GSG1L: variants seen among roughly 807,000 people sequenced by gnomAD.
The protein encoded by GSG1L is GSG1 like.
A neutral mutation model predicts 42.1 loss-of-function variants in GSG1L; 24 were observed. The observed-to-expected ratio is 0.57, with a 90% CI of 0.41 to 0.80. GSG1L has a LOEUF of 0.80. Ranked by LOEUF, GSG1L falls within the 30% of genes least tolerant of loss-of-function variation. The pLI is 0.00. For synonymous variants in GSG1L, 215 were observed against 203.5 expected, an observed-to-expected ratio of 1.06 and a Z score of -0.48; for missense variants, 445 against 472.2, an observed-to-expected ratio of 0.94 and a Z score of 0.53.
chr16:27,863,092 C>T (rs1384398314), intron 3 of GSG1L, among the ~76,000 whole-genome samples: 2 of 152,086 alleles, frequency 1.3e-5, no homozygotes, highest in Non-Finnish European at 2.9e-5. Context: ...TTATCTGTTT[C>T]TTCCTGAGGT....
chr16:27,825,305 C>G (rs1215647153), intron 5 of GSG1L, among the ~76,000 whole-genome samples: 1 of 152,150 alleles, frequency 6.6e-6, no homozygotes, highest in African/African-American at 2.4e-5. Context: ...GTCTTCTATC[C>G]CAGAGCTCAC....
chr16:28,039,952 G>A (rs143353432), intron 1 of GSG1L, among the ~76,000 whole-genome samples: 110 of 152,018 alleles, frequency 7.2e-4, no homozygotes, highest in East Asian at 6.2e-3. Flanking sequence ...ACCTGTCCCC[G>A]CGCCCCTCCC....
chr16:27,995,516 C>T (rs763705562), intron 1 of GSG1L, among the ~76,000 whole-genome samples: 3 of 152,132 alleles, frequency 2.0e-5, no homozygotes, highest in Non-Finnish European at 4.4e-5. Flanking sequence ...GTGGTCACCA[C>T]GTATTTCTTA....
chr16:27,808,649 C>A (rs1007914908), intron 5 of GSG1L, among the ~76,000 whole-genome samples: 7 of 152,184 alleles, frequency 4.6e-5, no homozygotes, highest in African/African-American at 1.7e-4. Context: ...AAACTCCTGA[C>A]CTCAGGTGAT....
intron 1 of GSG1L, among the ~76,000 whole-genome samples, chr16:27,974,305 T>G (rs1048094292): frequency 6.6e-6 from 1 of 152,180 alleles, no homozygotes; most frequent in Non-Finnish European, 1.5e-5. Flanking sequence ...GGGTCATAGG[T>G]TATTAGCTCA....
chr16:28,042,522 C>T (rs550701575), intron 1 of GSG1L, among the ~76,000 whole-genome samples: 5 of 151,756 alleles, frequency 3.3e-5, no homozygotes, highest in Non-Finnish European at 7.4e-5. Context: ...ACCAGCAGTA[C>T]CATTGGAGAT....
At chr16:27,819,449 C>T (rs2083128571) in intron 5 of GSG1L, among the ~76,000 whole-genome samples, 1 of 152,160 alleles carries the variant, frequency 6.6e-6, no homozygotes, top group African/African-American at 2.4e-5. Context: ...ACCGACAGCA[C>T]GAAACCTCCA....
chr16:27,851,852 T>C (rs866813430), intron 3 of GSG1L, among the ~76,000 whole-genome samples: 2 of 152,220 alleles, frequency 1.3e-5, no homozygotes, highest in Middle Eastern at 3.4e-3. Flanking sequence ...GCTCAATCAC[T>C]GGGGAGAGGG....
At chr16:27,947,599 A>AAGAAAG (rs1401836017) in intron 2 of GSG1L, among the ~76,000 whole-genome samples, 1 of 85,994 alleles carries the variant, frequency 1.2e-5, no homozygotes, top group Admixed American at 1.0e-4. Context: ...GAAAGAAAGA[A>AAGAAAG]AAAGAAAGAA....
intron 3 of GSG1L, among the ~76,000 whole-genome samples, chr16:27,864,423 ACAGT>A (rs2083691502): frequency 6.6e-6 from 1 of 152,232 alleles, no homozygotes; most frequent in East Asian, 1.9e-4. Flanking sequence ...TGACATGGAG[ACAGT>A]CAGAGGCTGG....
At chr16:27,936,888 C>T (rs973069139) in intron 2 of GSG1L, among the ~76,000 whole-genome samples, 17 of 152,168 alleles carry the variant, frequency 1.1e-4, no homozygotes, top group Admixed American at 9.8e-4. Flanking sequence ...TCAAAATAAA[C>T]GTCCAGGGCA....
chr16:28,042,155 G>A (rs1019491263), intron 1 of GSG1L, among the ~76,000 whole-genome samples: 2 of 152,158 alleles, frequency 1.3e-5, no homozygotes, highest in Non-Finnish European at 2.9e-5. Flanking sequence ...CATAAAATGG[G>A]CTGGGCGCAG....
chr16:27,824,997 T>G (rs934508359), intron 5 of GSG1L, among the ~76,000 whole-genome samples: 2 of 152,258 alleles, frequency 1.3e-5, no homozygotes, highest in Admixed American at 6.5e-5. Context: ...TGGGACGAGA[T>G]GAGCCGCATG....
At chr16:27,899,487 C>G (rs909280315) in intron 2 of GSG1L, among the ~76,000 whole-genome samples, 1 of 152,094 alleles carries the variant, frequency 6.6e-6, no homozygotes, top group Non-Finnish European at 1.5e-5. Flanking sequence ...GAGGCTGAGG[C>G]GGGAGGATCG....
intron 1 of GSG1L, among the ~76,000 whole-genome samples, chr16:27,998,974 G>A (rs905811717): frequency 3.9e-5 from 6 of 151,968 alleles, no homozygotes; most frequent in Non-Finnish European, 7.4e-5. Flanking sequence ...GACACAGCCA[G>A]CACTTTAAAA....
rs1281389771 is a variant in GSG1L at position 28,040,837 on chromosome 16, C to G, written c.349+22239G>C. Among the ~76,000 whole-genome samples the G allele has an allele frequency of 6.6e-6, 1 of 152,204 alleles. No individual in the cohort carries two copies. The highest frequency in any genetic ancestry group is 1.9e-4 in the East Asian group (1 of 5,192). ...ATCAGTTCAGGTTCAGCCAGACACT[C>G]CTTTTCCATCCAGTATCCCCATCCC... On this transcript the variant is annotated intron_variant, in intron 1 of 6. Transcript: ENST00000447459. This position sits in a 1 kb window ranked among gnomAD's most constrained non-coding sequence, Gnocchi z 4.1.
At chr16:28,009,862 G>C (rs1245061423) in intron 1 of GSG1L, among the ~76,000 whole-genome samples, 1 of 152,244 alleles carries the variant, frequency 6.6e-6, no homozygotes, top group Admixed American at 6.5e-5. Context: ...CACATAACAA[G>C]TGAAGAAACT....
chr16:27,960,785 G>C (rs1380689147), intron 2 of GSG1L, among the ~76,000 whole-genome samples: 1 of 152,112 alleles, frequency 6.6e-6, no homozygotes, highest in Non-Finnish European at 1.5e-5. Context: ...GTGTTTGAGA[G>C]ACAGCGAGTA....
At chr16:27,974,352 C>G (rs1428070002) in intron 1 of GSG1L, among the ~76,000 whole-genome samples, 2 of 152,110 alleles carry the variant, frequency 1.3e-5, no homozygotes, top group Non-Finnish European at 2.9e-5. Flanking sequence ...CCCATGGTGC[C>G]CATGAGGCCA....
Sources: allele counts gnomAD v4.1 joint callset (sites outside exome capture counted in the v4.1 genomes callset), GRCh38; gene constraint gnomAD v4.1.1; non-coding constraint Gnocchi (gnomAD v3.1); transcripts MANE v1.5; gene names NCBI Gene and HGNC (gene_info 2026-07-23, HGNC 2026-07-21).